Variants in GABRA1 observed in about 807,000 individuals in gnomAD.
GABRA1 encodes the protein gamma-aminobutyric acid type A receptor subunit alpha1.
In GABRA1, 9 loss-of-function variants were observed where a neutral mutation model predicts 48.9. The ratio of observed to expected loss-of-function variants is 0.18; its 90% confidence interval spans 0.11 to 0.32. The LOEUF (loss-of-function observed/expected upper bound fraction) is 0.32. Among genes scored for constraint, GABRA1 ranks in the 10% least tolerant of loss-of-function variants. The probability of loss-of-function intolerance (pLI) is 1.00; values close to 1 mark genes in which losing one functional copy is unlikely to be tolerated. For synonymous variants in GABRA1, 210 were observed against 198.7 expected (o/e 1.06, Z -0.48); for missense variants, 285 against 553.8 (o/e 0.51, Z 4.87).
chr5:161,862,296 T>G (rs1455376135), intron 3 of GABRA1, among the ~76,000 whole-genome samples: 1 of 151,896 alleles, frequency 6.6e-6, no homozygotes, highest in Non-Finnish European at 1.5e-5. Flanking sequence ...TGTGCCATGA[T>G]CTTCAGCATC....
At position 161,895,656 on chromosome 5, in the gene GABRA1, T is replaced by TC; in HGVS notation, c.857-10_857-9insC. On this transcript the variant is annotated splice_polypyrimidine_tract_variant and intron_variant, in intron 8 of 9. Coordinates refer to ENST00000393943, the MANE Select transcript of GABRA1 (RefSeq NM_001127644.2). ...ACTGGCATCATGTATGTTTTTTTTT[T>TC]TCTTTACAGGAGTAACAACTGTGCT... 2 of 1,612,342 alleles carry TC rather than the reference T, an allele frequency of 1.2e-6. No homozygotes were observed. Among genetic ancestry groups the TC allele is most frequent in the Non-Finnish European group, 1.7e-6 (2 of 1,178,792 alleles).
intron 7 of GABRA1, among the ~76,000 whole-genome samples, chr5:161,885,405 G>C (rs1754799948): frequency 6.6e-6 from 1 of 152,120 alleles, no homozygotes; most frequent in Admixed American, 6.6e-5. Context: ...GATGGTGAGA[G>C]AGAACACACA....
intron 2 of GABRA1, 136 bp from the exon 3 acceptor site, chr5:161,854,022 A>G (rs1332429239): frequency 3.3e-5 from 18 of 540,782 alleles, no homozygotes; most frequent in Non-Finnish European, 4.9e-5. Flanking sequence ...ATTCCTTTTT[A>G]CCTTGTGAAA....
intron 1 of GABRA1, chr5:161,850,516 T>C: frequency 3.8e-6 from 2 of 525,668 alleles, no homozygotes; most frequent in Admixed American, 3.5e-5. Flanking sequence ...GATAAACAAC[T>C]CACAGTTTTT....
At chr5:161,865,611 A>G in intron 3 of GABRA1, 110 bp from the exon 4 acceptor site, 1 of 881,546 alleles carries the variant, frequency 1.1e-6, no homozygotes, top group Non-Finnish European at 1.9e-6. Flanking sequence ...CAATTTTAGA[A>G]ATAGCTAATC....
chr5:161,895,488 T>C (rs1211287886), intron 8 of GABRA1, among the ~76,000 whole-genome samples, 178 bp from the exon 9 acceptor site: 1 of 152,128 alleles, frequency 6.6e-6, no homozygotes, highest in African/African-American at 2.4e-5. Flanking sequence ...ATTCCATGAA[T>C]CACAGACTAC....
chr5:161,867,977 G>C (rs558513605), intron 4 of GABRA1, among the ~76,000 whole-genome samples: 9 of 151,592 alleles, frequency 5.9e-5, no homozygotes, highest in Admixed American at 2.6e-4. Context: ...CACAGTATTA[G>C]TTCATTGTTA....
intron 7 of GABRA1, among the ~76,000 whole-genome samples, chr5:161,888,695 T>G (rs1036302912): frequency 2.6e-5 from 4 of 151,806 alleles, no homozygotes; most frequent in African/African-American, 9.7e-5. Context: ...TATGTCCACA[T>G]GAGACTATAT....
intron 7 of GABRA1, among the ~76,000 whole-genome samples, chr5:161,889,609 T>C (rs756998877): frequency 4.6e-5 from 7 of 152,078 alleles, no homozygotes; most frequent in Non-Finnish European, 1.5e-5. Flanking sequence ...TGTTGAAATA[T>C]TCGAAGAGAC....
chr5:161,880,096 C>T (rs978831903), intron 6 of GABRA1, among the ~76,000 whole-genome samples: 2 of 152,132 alleles, frequency 1.3e-5, no homozygotes, highest in Admixed American at 1.3e-4. Context: ...TTACAAAACA[C>T]AGTAAAGTCA....
intron 7 of GABRA1, among the ~76,000 whole-genome samples, chr5:161,884,018 C>T (rs901904106): frequency 1.3e-5 from 2 of 151,968 alleles, no homozygotes; most frequent in Non-Finnish European, 2.9e-5. Flanking sequence ...AGCTTTGTGA[C>T]TTTGGGCAAG....
intron 1 of GABRA1, among the ~76,000 whole-genome samples, chr5:161,849,268 C>A (rs1022135289): frequency 6.6e-6 from 1 of 152,086 alleles, no homozygotes; most frequent in South Asian, 2.1e-4. Flanking sequence ...TTCAGATATT[C>A]AATCTTTTTA....
intron 4 of GABRA1, among the ~76,000 whole-genome samples, chr5:161,868,366 C>T (rs1471438442): frequency 1.3e-5 from 2 of 151,918 alleles, no homozygotes. Context: ...TTATAGGCAG[C>T]CAGCAGCCAA....
intron 4 of GABRA1, among the ~76,000 whole-genome samples, chr5:161,866,935 T>A (rs1019763638): frequency 3.0e-4 from 45 of 152,098 alleles, no homozygotes; most frequent in African/African-American, 1.1e-3. Context: ...ATTGCCTGGT[T>A]TATAATGCCA....
At chr5:161,882,036 A>G (rs4346807) in intron 6 of GABRA1, 71,464 of 155,770 alleles carry the variant, frequency 0.46, 17,133 homozygotes, top group East Asian at 0.62. Flanking sequence ...TAGTTTGTCT[A>G]TTGGACAAAC....
At chr5:161,893,887 C>A (rs1334294751) in intron 8 of GABRA1, among the ~76,000 whole-genome samples, 1 of 152,142 alleles carries the variant, frequency 6.6e-6, no homozygotes, top group African/African-American at 2.4e-5. Context: ...AATCTGTGTT[C>A]TTTTCTCTTT....
intron 3 of GABRA1, among the ~76,000 whole-genome samples, chr5:161,863,222 G>T (rs1043449936): frequency 3.3e-5 from 5 of 151,778 alleles, no homozygotes; most frequent in East Asian, 1.9e-4. Context: ...TGAGGAAAAT[G>T]ATTAAGTTTA....
At chr5:161,854,585 A>G (rs970162779) in intron 3 of GABRA1, among the ~76,000 whole-genome samples, 5 of 151,704 alleles carry the variant, frequency 3.3e-5, no homozygotes, top group Non-Finnish European at 7.4e-5. Flanking sequence ...TTCCAGCACA[A>G]TGACTGCAGC....
intron 8 of GABRA1, among the ~76,000 whole-genome samples, chr5:161,894,957 ATGTTG>A (rs1274445758): frequency 6.2e-4 from 94 of 152,186 alleles, no homozygotes; most frequent in African/African-American, 2.1e-3. Context: ...TGGTGTTCAG[ATGTTG>A]GTACTGCTAC....
Sources: gnomAD v4.1 joint callset for allele counts (sites outside exome capture counted in the v4.1 genomes callset) on GRCh38, gnomAD v4.1.1 for gene constraint, MANE v1.5 for transcripts, NCBI Gene and HGNC (gene_info 2026-07-23, HGNC 2026-07-21) for gene names.